BRI3BP: variants seen among roughly 807,000 people sequenced by gnomAD.
The protein encoded by BRI3BP is BRI3 binding protein.
BRI3BP carries 7 observed loss-of-function variants against 15.8 expected under a neutral mutation model. That is an observed-to-expected ratio of 0.44 (90% CI 0.25 to 0.83). BRI3BP has a LOEUF of 0.83. Among genes scored for constraint, BRI3BP ranks in the 40% least tolerant of loss-of-function variants. BRI3BP has a pLI of 0.20. For missense variants in BRI3BP, 320 were observed against 339.3 expected (o/e 0.94, Z 0.45); for synonymous variants, 192 against 163.5 (o/e 1.17, Z -1.33).
At chr12:124,998,604 G>A (rs1955059125) in intron 1 of BRI3BP, among the ~76,000 whole-genome samples, 1 of 152,140 alleles carries the variant, frequency 6.6e-6, no homozygotes, top group African/African-American at 2.4e-5. Context: ...CCAGGGGCTG[G>A]GGGAGGGAGC....
At chr12:125,014,782 G>A (rs7977003) in intron 2 of BRI3BP, among the ~76,000 whole-genome samples, 42,540 of 151,918 alleles carry the variant, frequency 0.28, 6,511 homozygotes, top group South Asian at 0.46. Flanking sequence ...CTTTTTGTTT[G>A]TTTTTGTTTA....
Position 125,025,392 on chromosome 12 carries a change from C to T in BRI3BP, c.718C>T (p.Arg240Trp), listed in dbSNP as rs751734042. The change falls in exon 3 of 3, where the codon CGG becomes TGG. Residue 240 changes from arginine to tryptophan, a missense_variant. By Grantham distance (101) the Arg-to-Trp change is moderately radical. Coordinates refer to ENST00000341446, the MANE Select transcript of BRI3BP (RefSeq NM_080626.6). Reference protein sequence around the residue: ...QVRLLNIRLNRVLESLDRSKD... With the variant: ...QVRLLNIRLNWVLESLDRSKD... ...CAGACTGCTCAACATCCGTCTCAAC[C>T]GGGTGCTCGAGAGCCTGGACCGCTC... 7 of 1,609,218 alleles carry T rather than the reference C, an allele frequency of 4.3e-6. No homozygotes were observed. The highest frequency in any genetic ancestry group is 4.2e-6 in the Non-Finnish European group (5 of 1,177,670).
At chr12:125,041,990 G>A in the BRI3BP span, among the ~76,000 whole-genome samples, 10 of 152,230 alleles carry the variant, frequency 6.6e-5, no homozygotes, top group South Asian at 1.9e-3. Flanking sequence ...CACCACATCC[G>A]GCCCTTTTGC....
At chr12:125,016,825 C>CGTTTTTT (rs1470443683) in intron 2 of BRI3BP, among the ~76,000 whole-genome samples, 1 of 39,776 alleles carries the variant, frequency 2.5e-5, no homozygotes, top group African/African-American at 9.8e-5. Context: ...TGCGCCCAGC[C>CGTTTTTT]TTTTTTTTTT....
intron 1 of BRI3BP, among the ~76,000 whole-genome samples, chr12:125,004,279 C>A (rs930723484): frequency 3.3e-5 from 5 of 152,142 alleles, no homozygotes; most frequent in Non-Finnish European, 7.3e-5. Context: ...GTTCGATGAT[C>A]CCCCAGCCTT....
chr12:125,014,751 T>A (rs775965980), intron 2 of BRI3BP, among the ~76,000 whole-genome samples: 3 of 152,206 alleles, frequency 2.0e-5, no homozygotes, highest in African/African-American at 7.2e-5. Context: ...GCCCCAGCTC[T>A]GCACCTGGCA....
At chr12:125,005,156 A>G (rs993938267) in intron 1 of BRI3BP, among the ~76,000 whole-genome samples, 3 of 152,038 alleles carry the variant, frequency 2.0e-5, no homozygotes, top group African/African-American at 7.2e-5. Flanking sequence ...CCGGTCAGGG[A>G]TTTTGTAGGA....
At chr12:125,015,970 C>T (rs908708317) in intron 2 of BRI3BP, among the ~76,000 whole-genome samples, 4 of 152,184 alleles carry the variant, frequency 2.6e-5, no homozygotes, top group African/African-American at 9.7e-5. Context: ...TTCGTCGCCA[C>T]CCATTGAACC....
chr12:125,045,993 C>T, the BRI3BP span, among the ~76,000 whole-genome samples: 157 of 151,032 alleles, frequency 1.0e-3, no homozygotes, highest in African/African-American at 3.1e-3. Flanking sequence ...GGTGAAACCC[C>T]GTCTCTACTA....
At chr12:125,016,711 A>G (rs1453409643) in intron 2 of BRI3BP, among the ~76,000 whole-genome samples, 1 of 151,230 alleles carries the variant, frequency 6.6e-6, no homozygotes, top group South Asian at 2.1e-4. Context: ...TATTTTTAGT[A>G]GAGACAGGGT....
At chr12:125,051,016 G>A in the BRI3BP span, among the ~76,000 whole-genome samples, 2 of 152,158 alleles carry the variant, frequency 1.3e-5, no homozygotes, top group Non-Finnish European at 2.9e-5. Context: ...ACTTACATAA[G>A]AGGAAAAAGA....
intron 1 of BRI3BP, among the ~76,000 whole-genome samples, chr12:125,009,628 G>T (rs943087139): frequency 1.4e-4 from 19 of 138,544 alleles, no homozygotes; most frequent in East Asian, 4.2e-4. Context: ...ATGGGGGGGG[G>T]GTCTCATTTT....
intron 2 of BRI3BP, among the ~76,000 whole-genome samples, chr12:125,014,641 C>T (rs1955226170): frequency 1.3e-5 from 2 of 152,166 alleles, no homozygotes; most frequent in African/African-American, 2.4e-5. Flanking sequence ...CTGCTTGACA[C>T]GTGTCAAAAT....
intron 1 of BRI3BP, among the ~76,000 whole-genome samples, chr12:124,994,706 G>A (rs1364697276): frequency 6.6e-6 from 1 of 152,170 alleles, no homozygotes; most frequent in African/African-American, 2.4e-5. Flanking sequence ...GTGCGATAGG[G>A]GTGCCATTCC....
At chr12:125,046,589 C>T in the BRI3BP span, among the ~76,000 whole-genome samples, 4 of 152,080 alleles carry the variant, frequency 2.6e-5, no homozygotes, top group African/African-American at 9.7e-5. Context: ...TTTAAAAGAA[C>T]AGAACTGGAG....
At chr12:125,049,881 G>A in the BRI3BP span, among the ~76,000 whole-genome samples, 3,577 of 152,086 alleles carry the variant, frequency 0.024, 151 homozygotes, top group African/African-American at 0.08. Context: ...AGGGGACTGG[G>A]AGGGGATGGG....
chr12:125,025,048 C>T lies in BRI3BP; in HGVS notation c.374C>T (p.Ala125Val), dbSNP rs748412227. The T allele has an allele frequency of 3.7e-6, 6 of 1,613,466 alleles. 1 individual carries two copies. Among genetic ancestry groups the T allele is most frequent in the South Asian group, 3.3e-5 (3 of 91,088 alleles). The change falls in exon 3 of 3, where the codon GCG becomes GTG. Residue 125 changes from alanine to valine, a missense_variant. By Grantham distance (64) the Ala-to-Val change is moderately conservative (BLOSUM62 0). Transcript: ENST00000341446. ...PASVSSSPAR[A>V]LLLVGVVLLA... ...TCGGTGTCCAGCAGCCCGGCCCGCG[C>T]GCTCCTGCTGGTCGGCGTCGTCCTC...
At chr12:124,994,206 G>C (rs1316885893) in intron 1 of BRI3BP, among the ~76,000 whole-genome samples, 1 of 151,904 alleles carries the variant, frequency 6.6e-6, no homozygotes, top group African/African-American at 2.4e-5. Flanking sequence ...GCCGGGCCTC[G>C]GGGCGCCCTC....
chr12:125,033,604 C>G (rs1158050449), downstream of BRI3BP, among the ~76,000 whole-genome samples: 2 of 152,000 alleles, frequency 1.3e-5, no homozygotes, highest in Non-Finnish European at 2.9e-5. Context: ...CCTACTGTGA[C>G]TTATGTTTCT....
Sources: gnomAD v4.1 joint callset for allele counts (sites outside exome capture counted in the v4.1 genomes callset) on GRCh38, gnomAD v4.1.1 for gene constraint, MANE v1.5 for transcripts, NCBI Gene and HGNC (gene_info 2026-07-23, HGNC 2026-07-21) for gene names.